Variants in DNAJB6 observed in about 807,000 individuals in gnomAD.
DNAJB6 encodes dnaJ homolog subfamily B member 6.
DNAJB6 carries 16 observed loss-of-function variants against 42.7 expected under a neutral mutation model. That is an observed-to-expected ratio of 0.37 (90% confidence interval 0.25 to 0.57). DNAJB6 has a LOEUF of 0.57. Among genes scored for constraint, DNAJB6 ranks in the 20% least tolerant of loss-of-function variants. The pLI is 0.74. For missense variants in DNAJB6, 347 were observed against 416.8 expected (o/e 0.83, Z 1.46); for synonymous variants, 170 against 163.5 (o/e 1.04, Z -0.30).
At chr7:157,390,766 T>C (rs1801301851) in intron 8 of DNAJB6, among the ~76,000 whole-genome samples, 1 of 152,212 alleles carries the variant, frequency 6.6e-6, no homozygotes, top group East Asian at 1.9e-4. Context: ...GTCTAATTGA[T>C]AATGGCGTGT....
At position 157,370,059 on chromosome 7, in the gene DNAJB6, C is replaced by T. The variant is rs113587628; in HGVS notation, c.346+2576C>T. ...TTATTATTAAACAGGTCTTTCATAA[C>T]GTTATTATTAAACGGGCCCCTTCTT... is the stretch of plus-strand genomic sequence containing the variant. On this transcript the variant is annotated intron_variant, in intron 5 of 9. Transcript: ENST00000262177. 2.6e-3 allele frequency among the ~76,000 whole-genome samples: 347 copies of T among 133,332 alleles called. 3 individuals carry two copies. The highest frequency in any genetic ancestry group is 3.2e-3 in the Non-Finnish European group (203 of 63,934). The allele number at this position is 133,332 out of a possible 152,430, so 87.5% of individuals were successfully genotyped here.
At chr7:157,394,660 C>T (rs909618011) in intron 8 of DNAJB6, among the ~76,000 whole-genome samples, 2 of 152,176 alleles carry the variant, frequency 1.3e-5, no homozygotes, top group Non-Finnish European at 2.9e-5. Context: ...ATTTGCTTGT[C>T]TGCAGCTTTT....
chr7:157,352,052 C>T (rs547587247), intron 1 of DNAJB6, among the ~76,000 whole-genome samples: 10 of 152,126 alleles, frequency 6.6e-5, no homozygotes, highest in East Asian at 5.8e-4. Context: ...AAAATATTTA[C>T]TCCAATTTGT....
At chr7:157,339,602 TG>T (rs1227315169) in intron 1 of DNAJB6, among the ~76,000 whole-genome samples, 13 of 19,640 alleles carry the variant, frequency 6.6e-4, no homozygotes, top group African/African-American at 1.7e-3. Context: ...CCCGGCCTTT[TG>T]TGTGTGTGTG....
At chr7:157,405,165 TAAG>T (rs1373078866) in intron 8 of DNAJB6, among the ~76,000 whole-genome samples, 1 of 152,090 alleles carries the variant, frequency 6.6e-6, no homozygotes, top group African/African-American at 2.4e-5. Flanking sequence ...ATGGCAGAGA[TAAG>T]AAGGTGATGT....
intron 5 of DNAJB6, among the ~76,000 whole-genome samples, chr7:157,371,038 C>G (rs537908566): frequency 6.6e-6 from 1 of 152,326 alleles, no homozygotes; most frequent in South Asian, 2.1e-4. Flanking sequence ...AGCCCCACCT[C>G]CTATCAGCTC....
chr7:157,344,382 A>G (rs1798575669), intron 1 of DNAJB6, among the ~76,000 whole-genome samples: 1 of 151,060 alleles, frequency 6.6e-6, no homozygotes, highest in African/African-American at 2.4e-5. Context: ...GCATTGTGGG[A>G]CACACCTGTA....
At position 157,397,811 on chromosome 7, in the gene DNAJB6, C is replaced by T. The variant is rs61413408; in HGVS notation, c.692-11984C>T. Among the ~76,000 whole-genome samples, 727 of 152,304 alleles carry T rather than the reference C, an allele frequency of 4.8e-3. 5 individuals are homozygous for T. The highest frequency in any genetic ancestry group is 0.016 in the African/African-American group (677 of 41,584). On this transcript the variant is annotated intron_variant, in intron 8 of 9. Coordinates refer to ENST00000262177, the MANE Select transcript of DNAJB6 (RefSeq NM_058246.4). ...CCTTCTCAATTCAGCTTCTATGTCA[C>T]GAGCCCATCACGTGGCTGGCAAAAG...
At chr7:157,338,279 C>T (rs1192938963) in intron 1 of DNAJB6, among the ~76,000 whole-genome samples, 2 of 151,960 alleles carry the variant, frequency 1.3e-5, no homozygotes, top group Non-Finnish European at 2.9e-5. Context: ...ATGCAGCCGC[C>T]TTACTCCTCC....
intron 9 of DNAJB6, chr7:157,412,327 G>C (rs1796002399): frequency 6.6e-6 from 1 of 152,214 alleles, no homozygotes; most frequent in Non-Finnish European, 1.5e-5. Context: ...GGTTGAGCAA[G>C]CCTCCGCCCC....
intron 2 of DNAJB6, among the ~76,000 whole-genome samples, chr7:157,361,978 T>G (rs775348468): frequency 3.3e-5 from 5 of 152,044 alleles, no homozygotes; most frequent in Non-Finnish European, 5.9e-5. Flanking sequence ...GTTGGCCAGG[T>G]TGGTCTCGAA....
At chr7:157,378,568 G>A (rs1584920124) in intron 5 of DNAJB6, 2 of 152,224 alleles carry the variant, frequency 1.3e-5, no homozygotes, top group South Asian at 4.1e-4. Flanking sequence ...AGGCTTCCTT[G>A]CATTTCTCTC....
chr7:157,393,668 A>G (rs1376389128), intron 8 of DNAJB6, among the ~76,000 whole-genome samples: 1 of 152,138 alleles, frequency 6.6e-6, no homozygotes, highest in African/African-American at 2.4e-5. Context: ...AGTTACTGGT[A>G]TTTTTTAATC....
intron 1 of DNAJB6, among the ~76,000 whole-genome samples, chr7:157,353,586 G>GGGGTGTGTGTGTGTGTGTGT (rs375917916): frequency 7.1e-6 from 1 of 140,038 alleles, no homozygotes; most frequent in African/African-American, 2.7e-5. Context: ...TCTTGACCGG[G>GGGGTGTGTGTGTGTGTGTGT]GTGTGTGTGT....
intron 6 of DNAJB6, among the ~76,000 whole-genome samples, chr7:157,383,496 A>G (rs1481142973): frequency 6.6e-6 from 1 of 152,104 alleles, no homozygotes; most frequent in African/African-American, 2.4e-5. Flanking sequence ...CTTTCCCTCA[A>G]CAGATCCTCT....
At chr7:157,368,180 C>T (rs1273061696) in intron 5 of DNAJB6, among the ~76,000 whole-genome samples, 2 of 152,172 alleles carry the variant, frequency 1.3e-5, no homozygotes, top group African/African-American at 4.8e-5. Context: ...ATTTAAGTTA[C>T]AGCTTGAAAA....
chr7:157,399,951 G>T (rs1204615446), intron 8 of DNAJB6, among the ~76,000 whole-genome samples: 2 of 152,174 alleles, frequency 1.3e-5, no homozygotes, highest in Non-Finnish European at 2.9e-5. Flanking sequence ...TGACAGACGT[G>T]AGCCGCCGCA....
intron 2 of DNAJB6, among the ~76,000 whole-genome samples, chr7:157,361,407 T>G (rs1038028347): frequency 2.0e-5 from 3 of 152,174 alleles, no homozygotes; most frequent in Non-Finnish European, 4.4e-5. Context: ...TCTGCCTGCC[T>G]CAGCCTCCCA....
intron 8 of DNAJB6, among the ~76,000 whole-genome samples, chr7:157,404,864 C>T (rs1795703681): frequency 6.6e-6 from 1 of 152,058 alleles, no homozygotes; most frequent in African/African-American, 2.4e-5. Context: ...GTCTCAAACT[C>T]CTGGGCTTAA....
Sources: gnomAD v4.1 joint callset for allele counts (sites outside exome capture counted in the v4.1 genomes callset) on GRCh38, gnomAD v4.1.1 for gene constraint, MANE v1.5 for transcripts, NCBI Gene and HGNC (gene_info 2026-07-23, HGNC 2026-07-21) for gene names.